PTPN13: variants seen among roughly 807,000 people sequenced by gnomAD.
PTPN13 encodes the protein protein tyrosine phosphatase non-receptor type 13.
A neutral mutation model predicts 284.0 loss-of-function variants in PTPN13; 191 were observed. The ratio of observed to expected loss-of-function variants is 0.67; its 90% CI spans 0.60 to 0.76. PTPN13 has a LOEUF of 0.76. Ranked by LOEUF, PTPN13 falls within the 30% of genes least tolerant of loss-of-function variation. The pLI, the probability that PTPN13 is intolerant of heterozygous loss-of-function variation, is 0.00. For missense variants in PTPN13, 2,797 were observed against 2,939.9 expected, an observed-to-expected ratio of 0.95 and a Z score of 1.12; for synonymous variants, 986 against 1,022.3, an observed-to-expected ratio of 0.96 and a Z score of 0.68.
intron 1 of PTPN13, among the ~76,000 whole-genome samples, chr4:86,611,378 A>G (rs764047043): frequency 6.6e-6 from 1 of 152,192 alleles, no homozygotes; most frequent in Non-Finnish European, 1.5e-5. Flanking sequence ...GGGTGATCTC[A>G]TAACCATGTA....
intron 23 of PTPN13, among the ~76,000 whole-genome samples, chr4:86,760,905 A>T (rs1350789847): frequency 6.6e-6 from 1 of 152,100 alleles, no homozygotes; most frequent in South Asian, 2.1e-4. Flanking sequence ...TGTGTATTCT[A>T]GCTACCCCTG....
chr4:86,666,122 A>G (rs1267887707), intron 2 of PTPN13, among the ~76,000 whole-genome samples: 1 of 152,206 alleles, frequency 6.6e-6, no homozygotes, highest in East Asian at 1.9e-4. Flanking sequence ...TGTATAAACC[A>G]TAAATATCAA....
intron 26 of PTPN13, 50 bp from the exon 27 acceptor site, chr4:86,766,382 A>G: frequency 7.1e-7 from 1 of 1,408,894 alleles, no homozygotes; most frequent in East Asian, 2.4e-5. Flanking sequence ...CATAAGATTT[A>G]AAAGAACATG....
At chr4:86,623,941 C>T (rs533050215) in intron 1 of PTPN13, among the ~76,000 whole-genome samples, 16 of 152,242 alleles carry the variant, frequency 1.1e-4, no homozygotes, top group South Asian at 8.3e-4. Context: ...CTGTCTTCTC[C>T]ATAGGACCAG....
intron 1 of PTPN13, among the ~76,000 whole-genome samples, chr4:86,622,073 A>T (rs557113241): frequency 2.0e-5 from 3 of 152,310 alleles, no homozygotes; most frequent in African/African-American, 7.2e-5. Flanking sequence ...TTGTTTCTCC[A>T]AAAGGTCATT....
chr4:86,807,482 T>G lies in PTPN13; in HGVS notation c.6746-78T>G, dbSNP rs142881229. 9.5e-4 allele frequency: 1,019 copies of G among 1,077,122 alleles called. 4 individuals carry two copies. In the African/African-American group the frequency reaches 0.01, roughly 11 times the overall value. 66.7% of individuals were successfully genotyped at this position (1,077,122 alleles called of 1,614,324 possible). ...TGACTATGAGAATTTCTCATGATCT[T>G]TGACTCATGCAATTTGTAAGACTCT... On this transcript the variant is annotated intron_variant, in intron 44 of 47. Transcript: ENST00000411767.
At chr4:86,626,576 A>T (rs954370181) in intron 1 of PTPN13, among the ~76,000 whole-genome samples, 1 of 152,052 alleles carries the variant, frequency 6.6e-6, no homozygotes, top group African/African-American at 2.4e-5. Context: ...TATTAGGGAG[A>T]TGAACCCTTA....
At chr4:86,595,494 AAT>A (rs1763582211) in intron 1 of PTPN13, among the ~76,000 whole-genome samples, 1 of 152,138 alleles carries the variant, frequency 6.6e-6, no homozygotes, top group African/African-American at 2.4e-5. Context: ...TTCTGTTGTG[AAT>A]ATAATGGAGA....
chr4:86,741,280 A>G (rs1736140332), intron 15 of PTPN13, among the ~76,000 whole-genome samples: 1 of 152,234 alleles, frequency 6.6e-6, no homozygotes, highest in Non-Finnish European at 1.5e-5. Flanking sequence ...GCAATTTGCA[A>G]AAGAGAGAGC....
chr4:86,747,079 C>T (rs1736849716), intron 17 of PTPN13, among the ~76,000 whole-genome samples: 1 of 152,224 alleles, frequency 6.6e-6, no homozygotes, highest in South Asian at 2.1e-4. Flanking sequence ...CAATCCATAA[C>T]AACTGAAGAT....
chr4:86,640,364 T>C (rs1291224930), intron 2 of PTPN13, among the ~76,000 whole-genome samples: 18 of 152,334 alleles, frequency 1.2e-4, no homozygotes, highest in Admixed American at 9.8e-4. Flanking sequence ...GATGTAGCTA[T>C]ACTCCAAAGG....
chr4:86,811,193 T>C, intron 47 of PTPN13, 85 bp downstream of exon 47: 1 of 1,312,920 alleles, frequency 7.6e-7, no homozygotes, highest in Non-Finnish European at 1.0e-6. Context: ...TTTTTCTTTT[T>C]TGAGAGTTCC....
chr4:86,638,094 TA>T, intron 2 of PTPN13, among the ~76,000 whole-genome samples: 1 of 152,212 alleles, frequency 6.6e-6, no homozygotes, highest in East Asian at 1.9e-4. Context: ...TCAAAGAGAA[TA>T]AAATACTTAG....
At chr4:86,802,698 T>A (rs765314603) in intron 42 of PTPN13, among the ~76,000 whole-genome samples, 1 of 152,178 alleles carries the variant, frequency 6.6e-6, no homozygotes, top group Non-Finnish European at 1.5e-5. Flanking sequence ...TTTTGTAAGA[T>A]GCGGTGAGAA....
At chr4:86,766,344 C>T (rs1739308153) in intron 26 of PTPN13, 88 bp from the exon 27 acceptor site, 18 of 1,064,918 alleles carry the variant, frequency 1.7e-5, no homozygotes, top group Non-Finnish European at 2.3e-5. Context: ...CTGAGTCCCT[C>T]CTCAAACAAA....
intron 6 of PTPN13, among the ~76,000 whole-genome samples, chr4:86,700,193 A>G (rs928323326): frequency 1.3e-5 from 2 of 152,188 alleles, no homozygotes; most frequent in African/African-American, 4.8e-5. Flanking sequence ...TAAAGAGGCA[A>G]TTGATGTCTT....
intron 2 of PTPN13, among the ~76,000 whole-genome samples, chr4:86,641,110 G>T (rs543230970): frequency 6.6e-6 from 1 of 152,100 alleles, no homozygotes; most frequent in East Asian, 1.9e-4. Context: ...TTGTATATTT[G>T]ATCACACAAT....
intron 10 of PTPN13, among the ~76,000 whole-genome samples, chr4:86,728,691 T>C (rs1734601193): frequency 7.5e-6 from 1 of 133,462 alleles, no homozygotes; most frequent in African/African-American, 2.7e-5. Flanking sequence ...TTCCATTTGC[T>C]TGGTAGATCT....
intron 1 of PTPN13, among the ~76,000 whole-genome samples, chr4:86,597,385 A>G (rs1763908958): frequency 6.6e-6 from 1 of 152,100 alleles, no homozygotes; most frequent in Non-Finnish European, 1.5e-5. Context: ...CCACAGGTGT[A>G]CAACACCACA....
Sources: allele counts gnomAD v4.1 joint callset (sites outside exome capture counted in the v4.1 genomes callset), GRCh38; gene constraint gnomAD v4.1.1; transcripts MANE v1.5; gene names NCBI Gene and HGNC (gene_info 2026-07-23, HGNC 2026-07-21).